The following MIR2052HG variants were observed in gnomAD, a reference collection of about 807,000 sequenced individuals.
MIR2052HG encodes the protein MIR2052 host gene.
At position 74,748,323 on chromosome 8, in the gene MIR2052HG, A is replaced by G. The variant is rs534920737; in HGVS notation, n.372-4118A>G. 2.6e-5 allele frequency among the ~76,000 whole-genome samples: 4 copies of G among 152,192 alleles called. No homozygotes were observed. The East Asian group carries it at 7.7e-4, about 29-fold the overall frequency. ...AAAATAGTGTTCTTGGTCTAGTAAA[A>G]GTCCAGGAGTACCAGCTCTGTCCTT... On this transcript the variant is annotated intron_variant and non_coding_transcript_variant, in intron 4 of 6. Coordinates refer to ENST00000523442, the Ensembl canonical transcript of MIR2052HG.
chr8:74,738,164 T>C (rs1586928077), intron 4 of MIR2052HG, among the ~76,000 whole-genome samples: 1 of 150,078 alleles, frequency 6.7e-6, no homozygotes, highest in East Asian at 2.0e-4. Flanking sequence ...TACCTATCTA[T>C]CTCATCTATC....
At chr8:74,651,122 C>CT (rs58403987) in intron 2 of MIR2052HG, among the ~76,000 whole-genome samples, 92,904 of 148,308 alleles carry the variant, frequency 0.63, 29,137 homozygotes, top group East Asian at 0.77. Flanking sequence ...GTAATAAATT[C>CT]TTTTTTTTTT....
chr8:74,613,576 C>T (rs1163457471), intron 2 of MIR2052HG, among the ~76,000 whole-genome samples: 1 of 152,146 alleles, frequency 6.6e-6, no homozygotes, highest in African/African-American at 2.4e-5. Flanking sequence ...CTTCCGCCTC[C>T]CGGGTTCAAG....
At chr8:74,619,479 A>T (rs1451254720) in intron 2 of MIR2052HG, among the ~76,000 whole-genome samples, 1 of 152,238 alleles carries the variant, frequency 6.6e-6, no homozygotes, top group East Asian at 1.9e-4. Flanking sequence ...TGAGTAATTT[A>T]TAAAGGAAAG....
intron 4 of MIR2052HG, chr8:74,705,812 C>T (rs1016150142): frequency 5.9e-6 from 1 of 169,328 alleles, no homozygotes; most frequent in Non-Finnish European, 1.5e-5. Context: ...GTAACTGACT[C>T]CAAATAAAAA....
chr8:74,602,144 C>T (rs1250418564), intron 1 of MIR2052HG, among the ~76,000 whole-genome samples: 2 of 152,254 alleles, frequency 1.3e-5, no homozygotes, highest in Non-Finnish European at 1.5e-5. Flanking sequence ...ACAAAGCTCC[C>T]GCTGATAAAA....
chr8:74,621,091 A>G (rs1163447402), intron 2 of MIR2052HG, among the ~76,000 whole-genome samples: 1 of 152,128 alleles, frequency 6.6e-6, no homozygotes, highest in Non-Finnish European at 1.5e-5. Context: ...AAAGTTCCTC[A>G]TCTCCATCTG....
chr8:74,619,115 G>T (rs1342876317), intron 2 of MIR2052HG, among the ~76,000 whole-genome samples: 1 of 152,092 alleles, frequency 6.6e-6, no homozygotes, highest in African/African-American at 2.4e-5. Context: ...ATTTTTGCAA[G>T]AAATTGAAGA....
intron 4 of MIR2052HG, among the ~76,000 whole-genome samples, chr8:74,706,733 A>C (rs1809414832): frequency 6.6e-6 from 1 of 152,118 alleles, no homozygotes. Context: ...AAATAAGAAA[A>C]CCTGAAAACA....
At chr8:74,717,473 T>A (rs1779600611) in intron 4 of MIR2052HG, among the ~76,000 whole-genome samples, 1 of 152,192 alleles carries the variant, frequency 6.6e-6, no homozygotes, top group African/African-American at 2.4e-5. Context: ...TTACTTTAAA[T>A]GGCAAAAATC....
intron 2 of MIR2052HG, among the ~76,000 whole-genome samples, chr8:74,686,480 G>T (rs987871608): frequency 6.6e-6 from 1 of 151,990 alleles, no homozygotes; most frequent in African/African-American, 2.4e-5. Context: ...CTGAGTGCCA[G>T]CTATATGCCA....
chr8:74,708,664 G>A (rs1044758959), intron 4 of MIR2052HG, among the ~76,000 whole-genome samples: 27 of 151,704 alleles, frequency 1.8e-4, no homozygotes, highest in African/African-American at 5.8e-4. Flanking sequence ...TTATATAATT[G>A]TGACAAAGTA....
chr8:74,634,469 C>T lies in MIR2052HG; in HGVS notation n.216+21529C>T, dbSNP rs577214640. The stretch of plus-strand genomic sequence containing the variant: ...ACTTATAAGCTGTCATAATTTAGAA[C>T]TCTTGCAAAATAATTTCTTAATACA... On this transcript the variant is annotated intron_variant and non_coding_transcript_variant, in intron 2 of 6. Transcript: ENST00000523442. Among the ~76,000 whole-genome samples the T allele has an allele frequency of 2.2e-4, 34 of 152,292 alleles. No individual in the cohort carries two copies. The South Asian group carries it at 2.9e-3, about 13-fold the overall frequency.
chr8:74,673,910 T>TATATATATATATATACATAC (rs1485340799), intron 2 of MIR2052HG, among the ~76,000 whole-genome samples: 6 of 133,244 alleles, frequency 4.5e-5, no homozygotes, highest in African/African-American at 2.0e-4. Context: ...TATATATATA[T>TATATATATATATATACATAC]ACACACACAA....
chr8:74,695,961 A>G (rs1318111122), intron 2 of MIR2052HG, among the ~76,000 whole-genome samples: 1 of 152,138 alleles, frequency 6.6e-6, no homozygotes, highest in Non-Finnish European at 1.5e-5. Context: ...ACTATACCCT[A>G]GAACAAATTA....
In MIR2052HG at chr8:74,719,067, C is replaced by G. The variant is rs73339269; in HGVS notation, n.371+15385C>G. Reference sequence around the variant, plus strand: ...TCTTCCTATGAGTCAGACAAATATCCGTGTACATCTTTTTTTTTTTTTTTC... The same window carrying G: ...TCTTCCTATGAGTCAGACAAATATCGGTGTACATCTTTTTTTTTTTTTTTC... On this transcript the variant is annotated intron_variant and non_coding_transcript_variant, in intron 4 of 6. Transcript: ENST00000523442. Among the ~76,000 whole-genome samples the G allele has an allele frequency of 7.5e-5, 10 of 133,302 alleles. No homozygotes were observed. In the East Asian group the frequency reaches 2.5e-3, roughly 33 times the overall value. The allele number at this position is 133,302 out of a possible 152,430, so 87.5% of individuals were successfully genotyped here. A position where few individuals can be genotyped will look rare whatever the true frequency, so the allele number is the denominator to read the frequency against.
chr8:74,627,826 A>G (rs1164209118), intron 2 of MIR2052HG, among the ~76,000 whole-genome samples: 7 of 152,228 alleles, frequency 4.6e-5, no homozygotes, highest in Non-Finnish European at 1.0e-4. Flanking sequence ...AAATGAAATG[A>G]TTAAATCTCT....
At position 74,609,804 on chromosome 8, in the gene MIR2052HG, G is replaced by C. The variant is rs573226481; in HGVS notation, n.129-3049G>C. 32 of 150,736 alleles carry C rather than the reference G, an allele frequency of 2.1e-4. 2 individuals are homozygous for C. In the South Asian group the frequency reaches 6.7e-3, roughly 31 times the overall value. 9.3% of individuals were successfully genotyped at this position (150,736 alleles called of 1,614,324 possible). On this transcript the variant is annotated intron_variant and non_coding_transcript_variant, in intron 1 of 6. Coordinates refer to ENST00000523442, the Ensembl canonical transcript of MIR2052HG. Reference sequence around the variant, plus strand: ...TCTCAGCTAGGACTAAAAAGAGAGTGCTTCAACCCACTATGAACATATGTG... The same window carrying C: ...TCTCAGCTAGGACTAAAAAGAGAGTCCTTCAACCCACTATGAACATATGTG...
intron 2 of MIR2052HG, among the ~76,000 whole-genome samples, chr8:74,668,530 A>G (rs952201907): frequency 2.0e-5 from 3 of 152,296 alleles, no homozygotes; most frequent in Non-Finnish European, 1.5e-5. Context: ...TTTTGTCCTC[A>G]GCTTTCTCTG....
Sources: allele counts gnomAD v4.1 joint callset (sites outside exome capture counted in the v4.1 genomes callset), GRCh38; gene constraint gnomAD v4.1.1; transcripts MANE v1.5; gene names NCBI Gene and HGNC (gene_info 2026-07-23, HGNC 2026-07-21).